The following KCTD17 variants were observed in gnomAD, a reference collection of about 807,000 sequenced individuals.
The protein encoded by KCTD17 is potassium channel tetramerization domain containing 17.
Under a neutral mutation model 41.5 loss-of-function variants are expected in KCTD17, and 20 were observed. The observed-to-expected ratio is 0.48, with a 90% CI of 0.34 to 0.70. The LOEUF (loss-of-function observed/expected upper bound fraction) is 0.70, where lower values mean the gene tolerates loss of function less well. Among genes scored for constraint, KCTD17 ranks in the 30% least tolerant of loss-of-function variants. The probability of loss-of-function intolerance (pLI) is 0.01; values close to 1 mark genes in which losing one functional copy is unlikely to be tolerated. For synonymous variants in KCTD17, 156 were observed against 173.8 expected (o/e 0.90, Z 0.80); for missense variants, 317 against 427.2 (o/e 0.74, Z 2.27).
chr22:37,057,356 G>T lies in KCTD17; in HGVS notation c.391-42G>T, dbSNP rs747922184. 2.0e-6 allele frequency: 3 copies of T among 1,531,066 alleles called. No homozygotes were observed. The East Asian group carries it at 6.8e-5, about 35-fold the overall frequency. The allele number at this position is 1,531,066 out of a possible 1,614,324, so 94.8% of individuals were successfully genotyped here. A position where few individuals can be genotyped will look rare whatever the true frequency, so the allele number is the denominator to read the frequency against. On this transcript the variant is annotated intron_variant, in intron 3 of 8. Transcript: ENST00000403888. ...GCTCATGCCCCTCCTGGGGTGCCTGGTGCTCCCACAGGTGCCCTCTATGTG... is the reference window on the plus strand; with the variant it reads ...GCTCATGCCCCTCCTGGGGTGCCTGTTGCTCCCACAGGTGCCCTCTATGTG...
chr22:37,053,293 G>T lies in KCTD17; in HGVS notation c.298+85G>T. ...GGCCCCAAGCCATTTGGACAACCAG[G>T]ACGGCCATCTGCCTGCTTGGTTGTT... On this transcript the variant is annotated intron_variant, in intron 2 of 8. Coordinates refer to ENST00000403888, the MANE Select transcript of KCTD17 (RefSeq NM_001282684.2). The surrounding 1 kb of genome is among the most constrained non-coding windows in gnomAD (Gnocchi z 4.1). 9.8e-7 allele frequency: 1 copy of T among 1,021,194 alleles called. No homozygotes were observed. Among genetic ancestry groups the T allele is most frequent in the Non-Finnish European group, 1.5e-6 (1 of 671,570 alleles). 63.3% of individuals were successfully genotyped at this position (1,021,194 alleles called of 1,614,324 possible). A position where few individuals can be genotyped will look rare whatever the true frequency, so the allele number is the denominator to read the frequency against.
At position 37,061,377 on chromosome 22, in the gene KCTD17, C is replaced by G; in HGVS notation, c.785-162C>G. On this transcript the variant is annotated intron_variant, in intron 7 of 8. Transcript: ENST00000403888. The surrounding 1 kb of genome is among the most constrained non-coding windows in gnomAD (Gnocchi z 6.6). The stretch of plus-strand genomic sequence containing the variant: ...GCGTCCTGCCTGCCGCCTCCTGCGC[C>G]CCTTCTGGTACCTCCTGCCTCCCAG... 1.4e-6 allele frequency: 2 copies of G among 1,474,944 alleles called. No individual in the cohort carries two copies. The highest frequency in any genetic ancestry group is 1.8e-6 in the Non-Finnish European group (2 of 1,114,636). The allele number at this position is 1,474,944 out of a possible 1,614,324, so 91.4% of individuals were successfully genotyped here.
intron 4 of KCTD17, among the ~76,000 whole-genome samples, chr22:37,058,552 TC>T (rs952128461): frequency 3.6e-4 from 55 of 152,320 alleles, no homozygotes; most frequent in African/African-American, 1.3e-3. Flanking sequence ...GGACTTGGGA[TC>T]CCCGATGCCA....
chr22:37,051,774 CCGGGGAGGCAGCGCCGCCGGCGGGGG>C lies in KCTD17; in HGVS notation c.19_44del (p.Glu7ArgfsTer50). Reference sequence around the variant, plus strand: ...CCGCGGCCGGCGATGAGGATGGAGGCCGGGGAGGCAGCGCCGCCGGCGGGGGCGGGCGGCCGCGCCGCAGGCGGCTG... The same window carrying C: ...CCGCGGCCGGCGATGAGGATGGAGGCCGGGCGGCCGCGCCGCAGGCGGCTG... On this transcript the variant is annotated frameshift_variant, in exon 1 of 9. Transcript: ENST00000403888. LOFTEE classifies it high-confidence loss of function. 2 of 1,245,290 alleles carry C rather than the reference CCGGGGAGGCAGCGCCGCCGGCGGGGG, an allele frequency of 1.6e-6. No homozygotes were observed. Among genetic ancestry groups the C allele is most frequent in the South Asian group, 3.3e-5 (1 of 30,762 alleles). The allele number at this position is 1,245,290 out of a possible 1,614,324, so 77.1% of individuals were successfully genotyped here.
At chr22:37,057,230 G>C in intron 3 of KCTD17, 168 bp from the exon 4 acceptor site, 2 of 681,398 alleles carry the variant, frequency 2.9e-6, no homozygotes, top group Non-Finnish European at 5.4e-6. Flanking sequence ...AATGCCTGGT[G>C]AGGAGCAGGT....
At position 37,053,013 on chromosome 22, in the gene KCTD17, C is replaced by T. The variant is rs1006751679; in HGVS notation, c.190-87C>T. 2.8e-6 allele frequency: 3 copies of T among 1,077,580 alleles called. No individual in the cohort carries two copies. The highest frequency in any genetic ancestry group is 4.1e-6 in the Non-Finnish European group (3 of 725,470). The allele number at this position is 1,077,580 out of a possible 1,614,324, so 66.8% of individuals were successfully genotyped here. A position where few individuals can be genotyped will look rare whatever the true frequency, so the allele number is the denominator to read the frequency against. On this transcript the variant is annotated intron_variant, in intron 1 of 8. Coordinates refer to ENST00000403888, the MANE Select transcript of KCTD17 (RefSeq NM_001282684.2). The surrounding 1 kb of genome is among the most constrained non-coding windows in gnomAD (Gnocchi z 4.1). ...CTCCATCCAGGGAAGAGCTCTCCCT[C>T]CACTCTCCTTCCCTCCCTGTGCGTG... is the stretch of plus-strand genomic sequence containing the variant.
At position 37,056,230 on chromosome 22, in the gene KCTD17, C is replaced by T. The variant is rs548378289; in HGVS notation, c.299-90C>T. The stretch of plus-strand genomic sequence containing the variant: ...TCACCCTCAGGGCGGGTGATCAGAG[C>T]GAGAGGTGGGTTTCGGGGTGGAGGG... On this transcript the variant is annotated intron_variant, in intron 2 of 8. Transcript: ENST00000403888. The T allele has an allele frequency of 4.1e-5, 45 of 1,085,596 alleles. No individual in the cohort carries two copies. In the East Asian group the frequency reaches 8.2e-4, roughly 20 times the overall value. The allele number at this position is 1,085,596 out of a possible 1,614,324, so 67.2% of individuals were successfully genotyped here.
chr22:37,061,872 C>T lies in KCTD17; in HGVS notation c.875+243C>T, dbSNP rs1479715499. ...GGAGGGACCGCTGAAGCCAGAGGCC[C>T]TGGCCAAGTCCCTGCACATCCAGGA... On this transcript the variant is annotated intron_variant, in intron 8 of 8. Transcript: ENST00000403888. The surrounding 1 kb of genome is among the most constrained non-coding windows in gnomAD (Gnocchi z 6.6). 9.1e-6 allele frequency: 9 copies of T among 985,344 alleles called. No homozygotes were observed. The highest frequency in any genetic ancestry group is 1.1e-5 in the Non-Finnish European group (9 of 829,946). 61.0% of individuals were successfully genotyped at this position (985,344 alleles called of 1,614,324 possible).
intron 4 of KCTD17, 25 bp from the exon 5 acceptor site, chr22:37,059,288 T>C (rs1290654097): frequency 2.5e-6 from 4 of 1,610,318 alleles, no homozygotes; most frequent in East Asian, 4.5e-5. Context: ...ACCTGCATTT[T>C]TCTCCCCATG....
chr22:37,062,415 T>A, intron 8 of KCTD17, 110 bp from the exon 9 acceptor site: 1 of 1,126,492 alleles, frequency 8.9e-7, no homozygotes. Context: ...TCTCTCCCTC[T>A]CCCCCACCCG....
intron 4 of KCTD17, among the ~76,000 whole-genome samples, 162 bp downstream of exon 4, chr22:37,057,655 G>C (rs1925301656): frequency 6.6e-6 from 1 of 152,214 alleles, no homozygotes; most frequent in Admixed American, 6.5e-5. Flanking sequence ...GGTTAGGAGA[G>C]ACCACACTTG....
At position 37,059,249 on chromosome 22, in the gene KCTD17, C is replaced by T. The variant is rs1223872067; in HGVS notation, c.487-64C>T. The T allele has an allele frequency of 1.4e-5, 23 of 1,599,394 alleles. No individual in the cohort carries two copies. In the African/African-American group the frequency reaches 2.0e-4, roughly 14 times the overall value. On this transcript the variant is annotated intron_variant, in intron 4 of 8. Coordinates refer to ENST00000403888, the MANE Select transcript of KCTD17 (RefSeq NM_001282684.2). ...TCTTGATTTGAGTGCCGAGGTCTGT[C>T]GTATCCTGCCCCACGGCCCCCAACA...
chr22:37,060,867 G>A lies in KCTD17; in HGVS notation c.657G>A (p.Glu219=), dbSNP rs886359472. ...AGGAGCAGCAGCAGCAGGAGGAGGAGGTGGAGGAGGTGGAGGTGGAACAGG... is the reference window on the plus strand; with the variant it reads ...AGGAGCAGCAGCAGCAGGAGGAGGAAGTGGAGGAGGTGGAGGTGGAACAGG... ...QLEEQQQQEE[E]VEEVEVEQVQ... is the part of the protein sequence containing the mutation. Residue 219 remains glutamate (E), a synonymous_variant, in exon 6 of 9, where the codon GAG becomes GAA. Coordinates refer to ENST00000403888, the MANE Select transcript of KCTD17 (RefSeq NM_001282684.2). 4 of 1,535,270 alleles carry A rather than the reference G, an allele frequency of 2.6e-6. No homozygotes were observed. The highest frequency in any genetic ancestry group is 2.8e-5 in the African/African-American group (2 of 72,680).
Position 37,061,124 on chromosome 22 carries a change from G to C in KCTD17, c.733G>C (p.Ala245Pro). The C allele has an allele frequency of 6.4e-7, 1 of 1,551,236 alleles. No individual in the cohort carries two copies. Among genetic ancestry groups the C allele is most frequent in the Non-Finnish European group, 8.7e-7 (1 of 1,146,922 alleles). ...TGCAGCCCAGTCATCTCAGGATCCC[G>C]CTAACCTTTTCTCCCTCCCACCACT... is the stretch of plus-strand genomic sequence containing the variant. The part of the protein sequence containing the change: ...QEKAQSSQDP[A>P]NLFSLPPLPP... Residue 245 changes from alanine (A) to proline (P), a missense_variant, in exon 7 of 9, where the codon GCT (alanine) becomes CCT (proline). Around this residue, in one of 4 missense-constraint regions of KCTD17, gnomAD observed 177 missense variants for 194.4 expected, o/e 0.91. Coordinates refer to ENST00000403888, the MANE Select transcript of KCTD17 (RefSeq NM_001282684.2). This position sits in a 1 kb window ranked among gnomAD's most constrained non-coding sequence, Gnocchi z 6.6.
chr22:37,054,024 T>C (rs1924806284), intron 2 of KCTD17, among the ~76,000 whole-genome samples: 1 of 152,156 alleles, frequency 6.6e-6, no homozygotes, highest in African/African-American at 2.4e-5. Context: ...GTGATCTGCC[T>C]TCTGGAGGGA....
At chr22:37,054,818 T>A (rs963079734) in intron 2 of KCTD17, among the ~76,000 whole-genome samples, 1 of 152,126 alleles carries the variant, frequency 6.6e-6, no homozygotes, top group Non-Finnish European at 1.5e-5. Context: ...GCAGCTGCAC[T>A]CCCTGACCTC....
chr22:37,060,884 T>A lies in KCTD17; in HGVS notation c.674T>A (p.Val225Glu). ...QQEEEVEEVE[V>E]EQVQVEADAQ... ...GAGGAGGAGGTGGAGGAGGTGGAGG[T>A]GGAACAGGTGCAGGTGGAGGCAGAT... is the stretch of plus-strand genomic sequence containing the variant. Residue 225 changes from valine (V) to glutamate (E), a missense_variant, in exon 6 of 9, where the codon GTG (valine) becomes GAG (glutamate). Val to Glu is a moderately radical substitution (Grantham distance 121, BLOSUM62 -2). Transcript: ENST00000403888. The A allele has an allele frequency of 6.5e-7, 1 of 1,538,282 alleles. No homozygotes were observed. The highest frequency in any genetic ancestry group is 1.2e-5 in the South Asian group (1 of 81,188).
At chr22:37,059,849 G>A (rs1192081472) in intron 5 of KCTD17, among the ~76,000 whole-genome samples, 2 of 152,200 alleles carry the variant, frequency 1.3e-5, no homozygotes, top group African/African-American at 4.8e-5. Flanking sequence ...GTGCCTTGGA[G>A]CCTGGAACTT....
chr22:37,060,572 A>G (rs1475317715), intron 5 of KCTD17, among the ~76,000 whole-genome samples: 2 of 152,080 alleles, frequency 1.3e-5, no homozygotes, highest in African/African-American at 2.4e-5. Flanking sequence ...GCCTCGCTCT[A>G]TGTAACAGCA....
Sources: allele counts gnomAD v4.1 joint callset (sites outside exome capture counted in the v4.1 genomes callset), GRCh38; gene constraint gnomAD v4.1.1; regional missense constraint gnomAD v4.1.1; non-coding constraint Gnocchi (gnomAD v3.1); transcripts MANE v1.5; gene names NCBI Gene and HGNC (gene_info 2026-07-23, HGNC 2026-07-21).